The following DLGAP2 variants were observed in gnomAD, a reference collection of about 807,000 sequenced individuals.
DLGAP2 encodes DLG associated protein 2.
DLGAP2 carries 26 observed loss-of-function variants against 100.3 expected under a neutral mutation model. The observed-to-expected ratio is 0.26, with a 90% CI of 0.19 to 0.36. The LOEUF is 0.36. Among genes scored for constraint, DLGAP2 ranks in the 10% least tolerant of loss-of-function variants. The pLI, the probability that DLGAP2 is intolerant of heterozygous loss-of-function variation, is 1.00. For synonymous variants in DLGAP2, 886 were observed against 630.1 expected, an observed-to-expected ratio of 1.41 and a Z score of -6.08; for missense variants, 1,858 against 1,453.2, an observed-to-expected ratio of 1.28 and a Z score of -4.53.
At chr8:1,422,750 G>A (rs1303986867) in intron 3 of DLGAP2, among the ~76,000 whole-genome samples, 1 of 152,128 alleles carries the variant, frequency 6.6e-6, no homozygotes, top group Non-Finnish European at 1.5e-5. Flanking sequence ...CAGGATTGGG[G>A]GTGGGGGAAT....
intron 2 of DLGAP2, among the ~76,000 whole-genome samples, chr8:1,044,713 C>T (rs1420139501): frequency 1.3e-5 from 2 of 152,220 alleles, no homozygotes; most frequent in Non-Finnish European, 2.9e-5. Context: ...TTCTGCTGAG[C>T]TACTCCTTGC....
chr8:1,459,373 A>C (rs1453929478), intron 3 of DLGAP2, among the ~76,000 whole-genome samples: 1 of 152,168 alleles, frequency 6.6e-6, no homozygotes, highest in African/African-American at 2.4e-5. Context: ...TATTCTGCTG[A>C]GCATGTTAAT....
intron 2 of DLGAP2, among the ~76,000 whole-genome samples, chr8:1,050,839 G>C (rs1252321051): frequency 6.6e-6 from 1 of 152,054 alleles, no homozygotes; most frequent in African/African-American, 2.4e-5. Context: ...AATTTTTTAC[G>C]TGCTTCCCCA....
At chr8:1,192,283 A>T (rs892018755) in intron 2 of DLGAP2, among the ~76,000 whole-genome samples, 6 of 152,158 alleles carry the variant, frequency 3.9e-5, no homozygotes, top group African/African-American at 1.4e-4. Flanking sequence ...GTACTTATTT[A>T]CGCTTATTAA....
At chr8:1,018,843 G>C (rs570859994) in intron 2 of DLGAP2, 1 of 152,148 alleles carries the variant, frequency 6.6e-6, no homozygotes, top group Admixed American at 6.5e-5. Context: ...ACCTTAATTT[G>C]CATGAATCGA....
chr8:832,055 G>A (rs904374064), intron 1 of DLGAP2, among the ~76,000 whole-genome samples: 13 of 152,046 alleles, frequency 8.6e-5, no homozygotes, highest in African/African-American at 3.1e-4. Context: ...TTTTTGATGG[G>A]GTTGTTTGTT....
intron 3 of DLGAP2, among the ~76,000 whole-genome samples, chr8:1,456,611 A>T (rs192183815): frequency 6.6e-6 from 1 of 152,388 alleles, no homozygotes; most frequent in African/African-American, 2.4e-5. Context: ...CAATTTAATT[A>T]ATGAAAAAGT....
intron 2 of DLGAP2, among the ~76,000 whole-genome samples, chr8:1,133,773 C>T (rs1035253903): frequency 1.3e-5 from 2 of 151,868 alleles, no homozygotes; most frequent in Non-Finnish European, 2.9e-5. Context: ...TCAGATAACA[C>T]AGTAGTATTT....
At chr8:1,475,952 T>C (rs1798919487) in intron 3 of DLGAP2, among the ~76,000 whole-genome samples, 1 of 152,158 alleles carries the variant, frequency 6.6e-6, no homozygotes, top group South Asian at 2.1e-4. Context: ...AGAAAAATGG[T>C]TTTTGTAGTT....
intron 1 of DLGAP2, among the ~76,000 whole-genome samples, chr8:886,034 CT>C (rs1797915356): frequency 6.6e-6 from 1 of 152,044 alleles, no homozygotes; most frequent in Non-Finnish European, 1.5e-5. Flanking sequence ...TGGTCCTGGG[CT>C]TTTTTTGGTT....
intron 3 of DLGAP2, among the ~76,000 whole-genome samples, chr8:1,344,311 A>C (rs1225555461): frequency 6.6e-6 from 1 of 152,146 alleles, no homozygotes; most frequent in Non-Finnish European, 1.5e-5. Context: ...CTGTGCAGAC[A>C]ACAGCCTTCA....
chr8:1,080,650 C>G (rs1803776723), intron 2 of DLGAP2, among the ~76,000 whole-genome samples: 1 of 152,196 alleles, frequency 6.6e-6, no homozygotes. Context: ...GCGCTCTGTC[C>G]TTCGTGCTGA....
chr8:1,453,578 T>A (rs1312503938), intron 3 of DLGAP2, among the ~76,000 whole-genome samples: 1 of 152,082 alleles, frequency 6.6e-6, no homozygotes, highest in Non-Finnish European at 1.5e-5. Flanking sequence ...GCAAACTGAG[T>A]TTGGTGACAC....
chr8:1,416,262 G>A (rs1796879810), intron 3 of DLGAP2, among the ~76,000 whole-genome samples: 2 of 152,292 alleles, frequency 1.3e-5, no homozygotes, highest in South Asian at 2.1e-4. Context: ...CGACCAGCCC[G>A]GCCTGGCGGG....
intron 1 of DLGAP2, among the ~76,000 whole-genome samples, chr8:837,559 C>T (rs896896563): frequency 2.0e-5 from 3 of 152,108 alleles, no homozygotes; most frequent in African/African-American, 7.2e-5. Flanking sequence ...TATTTGCCTG[C>T]CTGACCTAAG....
chr8:1,208,914 T>G (rs1219502993), intron 2 of DLGAP2, among the ~76,000 whole-genome samples: 1 of 147,868 alleles, frequency 6.8e-6, no homozygotes, highest in Non-Finnish European at 1.5e-5. Flanking sequence ...ATAAATAAAA[T>G]GCTTAGGAAT....
At chr8:843,822 A>G (rs1056313718) in intron 1 of DLGAP2, among the ~76,000 whole-genome samples, 2 of 152,234 alleles carry the variant, frequency 1.3e-5, no homozygotes, top group Non-Finnish European at 2.9e-5. Flanking sequence ...TCCTCGCTAC[A>G]TGATATCTTT....
chr8:1,066,864 C>G (rs990079503), intron 2 of DLGAP2, among the ~76,000 whole-genome samples: 1 of 152,206 alleles, frequency 6.6e-6, no homozygotes, highest in African/African-American at 2.4e-5. Context: ...CCAGTATAGT[C>G]TCAGTCCCAA....
intron 3 of DLGAP2, among the ~76,000 whole-genome samples, chr8:1,410,412 G>T (rs1378260056): frequency 6.6e-6 from 1 of 152,206 alleles, no homozygotes; most frequent in African/African-American, 2.4e-5. Flanking sequence ...CTCGCTGAGT[G>T]CTTCCTTTTT....
Sources: allele counts gnomAD v4.1 joint callset (sites outside exome capture counted in the v4.1 genomes callset), GRCh38; gene constraint gnomAD v4.1.1; transcripts MANE v1.5; gene names NCBI Gene and HGNC (gene_info 2026-07-23, HGNC 2026-07-21).